IL5RA: variants seen among roughly 807,000 people sequenced by gnomAD.
IL5RA encodes the protein interleukin 5 receptor subunit alpha, also known as interleukin-5 receptor subunit alpha.
Under a neutral mutation model 50.0 loss-of-function variants are expected in IL5RA, and 49 were observed. That is an observed-to-expected ratio of 0.98 (90% CI 0.78 to 1.24). IL5RA has a LOEUF of 1.24. Ranked by LOEUF, IL5RA falls within the 50% of genes most tolerant of loss-of-function variation. The probability of loss-of-function intolerance (pLI) is 0.00; values close to 1 mark genes in which losing one functional copy is unlikely to be tolerated. For missense variants in IL5RA, 600 were observed against 500.4 expected (o/e 1.20, Z -1.90); for synonymous variants, 202 against 174.0 (o/e 1.16, Z -1.26).
At chr3:3,106,247 G>C (rs1000439753) in intron 2 of IL5RA, among the ~76,000 whole-genome samples, 1 of 152,164 alleles carries the variant, frequency 6.6e-6, no homozygotes, top group Non-Finnish European at 1.5e-5. Context: ...TATTTAAGTG[G>C]CTTGGTATTT....
chr3:3,105,809 T>A (rs1255271550), intron 2 of IL5RA, among the ~76,000 whole-genome samples: 1 of 152,184 alleles, frequency 6.6e-6, no homozygotes, highest in Non-Finnish European at 1.5e-5. Context: ...CTGTTCTACA[T>A]GTCAAAGAGG....
rs1176481442 is a variant in IL5RA at position 3,090,135 on chromosome 3, G to A, written c.994+2089C>T. 4.8e-6 allele frequency: 7 copies of A among 1,446,460 alleles called. No individual in the cohort carries two copies. In the East Asian group the frequency reaches 6.9e-5, roughly 14 times the overall value. The allele number at this position is 1,446,460 out of a possible 1,614,324, so 89.6% of individuals were successfully genotyped here. On this transcript the variant is annotated intron_variant, in intron 9 of 11. Coordinates refer to ENST00000446632, the MANE Select transcript of IL5RA (RefSeq NM_175726.4). ...GGACTAAGATTATGTATTTAGCATA[G>A]TGCTTGGCAAAATAAATAAAAATTA...
chr3:3,096,213 G>C (rs532934571), intron 7 of IL5RA, among the ~76,000 whole-genome samples: 41 of 151,976 alleles, frequency 2.7e-4, no homozygotes, highest in African/African-American at 9.7e-4. Flanking sequence ...AGCAGGCGGA[G>C]CTTGCAGTGA....
intron 9 of IL5RA, chr3:3,090,200 T>G (rs777813663): frequency 6.2e-7 from 1 of 1,611,540 alleles, no homozygotes; most frequent in African/African-American, 1.3e-5. Context: ...GTTGTTTTTA[T>G]TTCAGATACG....
chr3:3,068,106 T>C lies in IL5RA; in HGVS notation c.*2119A>G, dbSNP rs372445876. 2.6e-5 allele frequency: 4 copies of C among 152,326 alleles called. No individual in the cohort carries two copies. The East Asian group carries it at 7.7e-4, about 29-fold the overall frequency. 9.4% of individuals were successfully genotyped at this position (152,326 alleles called of 1,614,324 possible). A position where few individuals can be genotyped will look rare whatever the true frequency, so the allele number is the denominator to read the frequency against. On this transcript the variant is annotated 3_prime_UTR_variant, in exon 12 of 12. Transcript: ENST00000446632. ...TCTCCTGGAGCAGCAGTTCTCCGAG[T>C]GTGTCCTGGAGACCAGCAGCATGAG...
At chr3:3,073,151 T>C (rs1441396588) in intron 11 of IL5RA, among the ~76,000 whole-genome samples, 4 of 152,212 alleles carry the variant, frequency 2.6e-5, no homozygotes, top group Non-Finnish European at 1.5e-5. Context: ...AGCTAGTAAC[T>C]GTAACTGTCT....
chr3:3,083,649 C>T (rs1406392160), intron 9 of IL5RA, among the ~76,000 whole-genome samples: 3 of 152,208 alleles, frequency 2.0e-5, no homozygotes, highest in African/African-American at 7.2e-5. Flanking sequence ...GAACTTTCTT[C>T]CCTATAAGGG....
chr3:3,090,275 T>C, intron 9 of IL5RA: 1 of 1,540,256 alleles, frequency 6.5e-7, no homozygotes. Flanking sequence ...CAGAGAGAAA[T>C]TATTTGTCTG....
chr3:3,087,880 T>TA (rs1702935019), intron 9 of IL5RA, among the ~76,000 whole-genome samples: 1 of 152,204 alleles, frequency 6.6e-6, no homozygotes, highest in African/African-American at 2.4e-5. Flanking sequence ...GACTTCCTAT[T>TA]ACGTTTATTA....
intron 11 of IL5RA, among the ~76,000 whole-genome samples, chr3:3,071,552 AGTGTGTGTGTGT>A (rs55736610): frequency 0.17 from 23,702 of 135,938 alleles, 2,117 homozygotes; most frequent in South Asian, 0.31. Context: ...CTTCCTTCAC[AGTGTGTGTGTGT>A]GTGTGTGTGT....
In IL5RA at chr3:3,070,326, A is replaced by G; in HGVS notation, c.1177-15T>C. The G allele has an allele frequency of 6.3e-7, 1 of 1,577,802 alleles. No homozygotes were observed. The highest frequency in any genetic ancestry group is 8.7e-7 in the Non-Finnish European group (1 of 1,149,096). On this transcript the variant is annotated splice_polypyrimidine_tract_variant and intron_variant, in intron 11 of 11. Transcript: ENST00000446632. Reference sequence around the variant, plus strand: ...GACCCAGCTTTCTGCAAAACAAATCATCTTTCCTTAGATGTCTTTTAGAGA... The same window carrying G: ...GACCCAGCTTTCTGCAAAACAAATCGTCTTTCCTTAGATGTCTTTTAGAGA...
rs779695598 is a variant in IL5RA, at chr3:3,101,805, T to C, written c.254A>G (p.Lys85Arg). 1 of 1,613,966 alleles carries C rather than the reference T, an allele frequency of 6.2e-7. No homozygotes were observed. Among genetic ancestry groups the C allele is most frequent in the Non-Finnish European group, 8.5e-7 (1 of 1,179,970 alleles). ...GCCTTTGTGGAGGATGGTTACACAT[T>C]TGCTTTCAGTGATTCTGGTTTCATA... The part of the protein sequence containing the change: ...DDYETRITES[K>R]CVTILHKGFS... Residue 85 changes from lysine (K) to arginine (R), a missense_variant, in exon 5 of 12, where the codon AAA becomes AGA. Transcript: ENST00000446632.
Position 3,097,949 on chromosome 3 carries a change from C to G in IL5RA, c.630G>C (p.Trp210Cys), listed in dbSNP as rs529724275. 2.5e-6 allele frequency: 4 copies of G among 1,614,188 alleles called. No individual in the cohort carries two copies. The East Asian group carries it at 6.7e-5, about 27-fold the overall frequency. The change falls in exon 7 of 12, where the codon TGG (tryptophan) becomes TGC (cysteine). Residue 210 changes from tryptophan (W) to cysteine (C), a missense_variant. Transcript: ENST00000446632. ...TGGAGCCGTTAACAAGCACCGCAAGCCAGTCACGCCCTTTGCTGAGGATAA... is the reference window on the plus strand; with the variant it reads ...TGGAGCCGTTAACAAGCACCGCAAGGCAGTCACGCCCTTTGCTGAGGATAA... ...RTFILSKGRD[W>C]LAVLVNGSSK...
At position 3,070,302 on chromosome 3, in the gene IL5RA, A is replaced by C; in HGVS notation, c.1186T>G (p.Ser396Ala). Residue 396 changes from serine (S) to alanine (A), a missense_variant, in exon 12 of 12, where the codon TCC (serine) becomes GCC (alanine). Physicochemically the swap from Ser to Ala is moderately conservative, Grantham distance 99. Coordinates refer to ENST00000446632, the MANE Select transcript of IL5RA (RefSeq NM_175726.4). ...FVTTNYEKAG[S>A]SETEIEVICY... ...ATGACTTCAATTTCCGTCTCACTGG[A>C]CCCAGCTTTCTGCAAAACAAATCAT... The C allele has an allele frequency of 6.2e-7, 1 of 1,610,892 alleles. No individual in the cohort carries two copies. Among genetic ancestry groups the C allele is most frequent in the South Asian group, 1.1e-5 (1 of 90,730 alleles).
At chr3:3,098,108 G>A (rs375896304) in intron 6 of IL5RA, 29 bp downstream of exon 6, 14 of 1,613,794 alleles carry the variant, frequency 8.7e-6, no homozygotes, top group African/African-American at 1.3e-5. Flanking sequence ...ACAACCATTT[G>A]CCTAAGTAAA....
At chr3:3,098,789 C>G (rs1703488085) in intron 5 of IL5RA, among the ~76,000 whole-genome samples, 1 of 152,166 alleles carries the variant, frequency 6.6e-6, no homozygotes, top group Admixed American at 6.5e-5. Context: ...GTCCCCATTT[C>G]TGATATTCGA....
At chr3:3,104,804 T>C (rs192449825) in intron 3 of IL5RA, 99 bp downstream of exon 3, 231 of 660,252 alleles carry the variant, frequency 3.5e-4, no homozygotes, top group East Asian at 2.9e-3. Context: ...AAAATCCATA[T>C]ATAATGTTCT....
At position 3,068,720 on chromosome 3, in the gene IL5RA, G is replaced by A. The variant is rs988699323; in HGVS notation, c.*1505C>T. On this transcript the variant is annotated 3_prime_UTR_variant, in exon 12 of 12. Transcript: ENST00000446632. Reference sequence around the variant, plus strand: ...GCCTTCTCAGCCACACCCCTAAGCAGGCCTCAGCTTTCCCTGACACTCCTC... The same window carrying A: ...GCCTTCTCAGCCACACCCCTAAGCAAGCCTCAGCTTTCCCTGACACTCCTC... 2 of 151,980 alleles carry A rather than the reference G, an allele frequency of 1.3e-5. No individual in the cohort carries two copies. Among genetic ancestry groups the A allele is most frequent in the South Asian group, 2.1e-4 (1 of 4,816 alleles). The allele number at this position is 151,980 out of a possible 1,614,324, so 9.4% of individuals were successfully genotyped here.
At chr3:3,107,848 C>A (rs1263225794) in intron 2 of IL5RA, among the ~76,000 whole-genome samples, 1 of 152,198 alleles carries the variant, frequency 6.6e-6, no homozygotes, top group Non-Finnish European at 1.5e-5. Flanking sequence ...AAAATTTTGA[C>A]AATTAGCAGT....
Sources: allele counts gnomAD v4.1 joint callset (sites outside exome capture counted in the v4.1 genomes callset), GRCh38; gene constraint gnomAD v4.1.1; transcripts MANE v1.5; gene names NCBI Gene and HGNC (gene_info 2026-07-23, HGNC 2026-07-21).